Variants in ST8SIA2 observed in about 807,000 individuals in gnomAD.
ST8SIA2 encodes the protein alpha-2,8-sialyltransferase 8B.
Under a neutral mutation model 37.6 loss-of-function variants are expected in ST8SIA2, and 22 were observed. The observed-to-expected ratio is 0.58, with a 90% CI of 0.42 to 0.83. The LOEUF is 0.83. ST8SIA2 is among the 40% of genes least tolerant of loss of function. The pLI is 0.00. For missense variants in ST8SIA2, 382 were observed against 484.7 expected (o/e 0.79, Z 1.99); for synonymous variants, 205 against 201.2 (o/e 1.02, Z -0.16).
chr15:92,394,649 G>A (rs2049416690), intron 1 of ST8SIA2, among the ~76,000 whole-genome samples: 1 of 152,184 alleles, frequency 6.6e-6, no homozygotes. Context: ...GGAGGGCGGG[G>A]TTCTGCATGG....
intron 5 of ST8SIA2, among the ~76,000 whole-genome samples, chr15:92,446,883 G>C (rs1458762672): frequency 6.6e-6 from 1 of 152,148 alleles, no homozygotes; most frequent in East Asian, 1.9e-4. Flanking sequence ...TGAGCAAGGA[G>C]AAAGGGGAAG....
At chr15:92,460,435 C>T (rs1217317230) in intron 5 of ST8SIA2, among the ~76,000 whole-genome samples, 2 of 152,188 alleles carry the variant, frequency 1.3e-5, no homozygotes, top group Non-Finnish European at 2.9e-5. Flanking sequence ...TGTTATGGGA[C>T]GTAGTTAAGC....
intron 5 of ST8SIA2, among the ~76,000 whole-genome samples, chr15:92,458,357 G>A (rs1276044302): frequency 6.6e-6 from 1 of 152,118 alleles, no homozygotes; most frequent in Non-Finnish European, 1.5e-5. Flanking sequence ...GCAGGCTATC[G>A]GGCCAGAACT....
intron 1 of ST8SIA2, among the ~76,000 whole-genome samples, chr15:92,427,569 T>C (rs1435758360): frequency 6.6e-6 from 1 of 152,186 alleles, no homozygotes; most frequent in East Asian, 1.9e-4. Flanking sequence ...TTCTTCTTTT[T>C]CTTCTAAATT....
intron 5 of ST8SIA2, among the ~76,000 whole-genome samples, chr15:92,447,672 A>G (rs1031528485): frequency 2.0e-5 from 3 of 152,222 alleles, no homozygotes. Context: ...CACTGGTCTC[A>G]TTAAGATGGG....
rs774608391 is a variant in ST8SIA2, at chr15:92,444,843, T to A, written c.756T>A (p.Val252=). Reference sequence around the variant, plus strand: ...TGGCCCGGGGCGGCAAGGAGCGTGTTGAGTGGGTCAACGAGCTTATCCTGA... The same window carrying A: ...TGGCCCGGGGCGGCAAGGAGCGTGTAGAGTGGGTCAACGAGCTTATCCTGA... ...AFMARGGKER[V]EWVNELILKH... Residue 252 remains valine (V), a synonymous_variant, in exon 5 of 6, where the codon GTT becomes GTA. Coordinates refer to ENST00000268164, the MANE Select transcript of ST8SIA2 (RefSeq NM_006011.4). The A allele has an allele frequency of 8.1e-6, 13 of 1,613,854 alleles. No homozygotes were observed. In the South Asian group the frequency reaches 1.3e-4, roughly 16 times the overall value.
At chr15:92,412,283 G>A (rs765940343) in intron 1 of ST8SIA2, among the ~76,000 whole-genome samples, 1 of 150,682 alleles carries the variant, frequency 6.6e-6, no homozygotes, top group Non-Finnish European at 1.5e-5. Context: ...AGGGAAGGAA[G>A]GGGGGAGAGG....
chr15:92,448,941 G>A (rs567656526), intron 5 of ST8SIA2, among the ~76,000 whole-genome samples: 2 of 152,198 alleles, frequency 1.3e-5, no homozygotes, highest in South Asian at 2.1e-4. Context: ...GGGTATGTGG[G>A]GGGGGGTGTG....
rs1305272887 is a variant in ST8SIA2, at chr15:92,405,514, C to T, written c.98+11352C>T. 5.9e-5 allele frequency among the ~76,000 whole-genome samples: 9 copies of T among 152,354 alleles called. No individual in the cohort carries two copies. The South Asian group carries it at 6.2e-4, about 11-fold the overall frequency. The stretch of plus-strand genomic sequence containing the variant: ...TATTTTCCCACAATTGAAACACACA[C>T]GCGCGCAAGCAGCCAGAAGAGTGCC... On this transcript the variant is annotated intron_variant, in intron 1 of 5. Transcript: ENST00000268164.
In ST8SIA2 at chr15:92,464,173, T is replaced by C; in HGVS notation, c.916T>C (p.Phe306Leu). Residue 306 changes from phenylalanine to leucine, a missense_variant, in exon 6 of 6, where the codon TTC becomes CTC. Transcript: ENST00000268164. ...GLLMYTLATR[F>L]CKQIYLYGFW... Reference sequence around the variant, plus strand: ...CTTGATGTATACCCTGGCCACACGTTTCTGCAAACAAATCTACCTCTACGG... The same window carrying C: ...CTTGATGTATACCCTGGCCACACGTCTCTGCAAACAAATCTACCTCTACGG... 1 of 1,613,182 alleles carries C rather than the reference T, an allele frequency of 6.2e-7. No homozygotes were observed. The highest frequency in any genetic ancestry group is 2.2e-5 in the East Asian group (1 of 44,838).
chr15:92,426,704 A>T (rs1312449864), intron 1 of ST8SIA2, among the ~76,000 whole-genome samples: 1 of 152,242 alleles, frequency 6.6e-6, no homozygotes, highest in Non-Finnish European at 1.5e-5. Context: ...TAAGTTCTAG[A>T]GGTCTGTACA....
chr15:92,440,818 G>T (rs901633747), intron 4 of ST8SIA2, among the ~76,000 whole-genome samples: 3 of 152,208 alleles, frequency 2.0e-5, no homozygotes, highest in Non-Finnish European at 2.9e-5. Context: ...TAACAGTAAA[G>T]AGAGCATGAT....
chr15:92,417,672 T>C (rs1044409136), intron 1 of ST8SIA2: 32 of 152,198 alleles, frequency 2.1e-4, no homozygotes, highest in Middle Eastern at 3.2e-3. Flanking sequence ...TTCTGTGTAG[T>C]ATATTTCTCC....
Position 92,464,897 on chromosome 15 carries a change from G to A in ST8SIA2, c.*512G>A, listed in dbSNP as rs1476464437. ...GAGAGGGAGGTTGGAGACTTCAACC[G>A]GGCAAAGGAGCACAAGGAAACCAAG... On this transcript the variant is annotated 3_prime_UTR_variant, in exon 6 of 6. Transcript: ENST00000268164. 18 of 172,576 alleles carry A rather than the reference G, an allele frequency of 1.0e-4. No individual in the cohort carries two copies. The highest frequency in any genetic ancestry group is 1.9e-4 in the Non-Finnish European group (15 of 80,216). 10.7% of individuals were successfully genotyped at this position (172,576 alleles called of 1,614,324 possible).
rs1344462296 is a variant in ST8SIA2, at chr15:92,468,181, T to TG, written c.*3796_*3797insG. 8 of 152,634 alleles carry TG rather than the reference T, an allele frequency of 5.2e-5. No individual in the cohort carries two copies. The highest frequency in any genetic ancestry group is 1.2e-4 in the Non-Finnish European group (8 of 68,080). 9.5% of individuals were successfully genotyped at this position (152,634 alleles called of 1,614,324 possible). A position where few individuals can be genotyped will look rare whatever the true frequency, so the allele number is the denominator to read the frequency against. ...CTGTGCACACTGACACGTGGTCCCGTCCATCCTGAACATGCACAGTGATTT... is the reference window on the plus strand; with the variant it reads ...CTGTGCACACTGACACGTGGTCCCGTGCCATCCTGAACATGCACAGTGATTT... On this transcript the variant is annotated 3_prime_UTR_variant, in exon 6 of 6. Coordinates refer to ENST00000268164, the MANE Select transcript of ST8SIA2 (RefSeq NM_006011.4).
intron 1 of ST8SIA2, among the ~76,000 whole-genome samples, chr15:92,412,449 C>G (rs1472419571): frequency 6.6e-6 from 1 of 151,980 alleles, no homozygotes; most frequent in Non-Finnish European, 1.5e-5. Context: ...ATCCTCTAAC[C>G]CATTAGGCTC....
At chr15:92,423,575 C>G (rs567861113) in intron 1 of ST8SIA2, among the ~76,000 whole-genome samples, 1 of 152,386 alleles carries the variant, frequency 6.6e-6, no homozygotes, top group African/African-American at 2.4e-5. Context: ...GGCCCAGTCT[C>G]TTTGCTTGCA....
intron 1 of ST8SIA2, among the ~76,000 whole-genome samples, chr15:92,410,174 G>T (rs1477610086): frequency 1.3e-5 from 2 of 152,246 alleles, no homozygotes; most frequent in Non-Finnish European, 2.9e-5. Flanking sequence ...CTGTCTCAAG[G>T]AGTTTTCCTG....
intron 5 of ST8SIA2, among the ~76,000 whole-genome samples, chr15:92,461,416 G>A (rs577436049): frequency 2.6e-4 from 39 of 152,272 alleles, no homozygotes; most frequent in African/African-American, 7.9e-4. Context: ...TTCTTCAGCC[G>A]TCATGAGCCA....
Sources: gnomAD v4.1 joint callset for allele counts (sites outside exome capture counted in the v4.1 genomes callset) on GRCh38, gnomAD v4.1.1 for gene constraint, MANE v1.5 for transcripts, NCBI Gene and HGNC (gene_info 2026-07-23, HGNC 2026-07-21) for gene names.